The following LMF1 variants were observed in gnomAD, a reference collection of about 807,000 sequenced individuals.
LMF1 encodes transmembrane protein 112.
LMF1 carries 68 observed loss-of-function variants against 60.6 expected under a neutral mutation model. The observed-to-expected ratio is 1.12, with a 90% CI of 0.92 to 1.37. The LOEUF (loss-of-function observed/expected upper bound fraction) is 1.37. Among genes scored for constraint, LMF1 ranks in the 40% most tolerant of loss-of-function variants. The pLI is 0.00. For synonymous variants in LMF1, 418 were observed against 324.7 expected (o/e 1.29, Z -3.09); for missense variants, 948 against 767.2 (o/e 1.24, Z -2.78).
intron 3 of LMF1, among the ~76,000 whole-genome samples, chr16:912,749 GA>G (rs962444892): frequency 2.6e-5 from 4 of 152,230 alleles, no homozygotes; most frequent in African/African-American, 9.6e-5. Context: ...ACCCTGGGAA[GA>G]AAAGGGTTGC....
intron 5 of LMF1, among the ~76,000 whole-genome samples, chr16:889,071 T>C (rs1210453608): frequency 6.6e-6 from 1 of 151,750 alleles, no homozygotes; most frequent in Non-Finnish European, 1.5e-5. Context: ...GCCTGCGGGG[T>C]CTGCACTCAC....
intron 5 of LMF1, among the ~76,000 whole-genome samples, chr16:891,839 C>T (rs575061514): frequency 1.1e-4 from 16 of 152,354 alleles, no homozygotes; most frequent in African/African-American, 3.4e-4. Context: ...CTCTCACACA[C>T]GTGTGCCCTG....
At chr16:923,408 T>C (rs1284104041) in intron 3 of LMF1, among the ~76,000 whole-genome samples, 1 of 152,054 alleles carries the variant, frequency 6.6e-6, no homozygotes, top group Non-Finnish European at 1.5e-5. Flanking sequence ...AGCACCCCAG[T>C]AGTAACGGGC....
intron 10 of LMF1, among the ~76,000 whole-genome samples, chr16:868,607 C>G (rs953244504): frequency 1.3e-5 from 2 of 152,200 alleles, no homozygotes; most frequent in Non-Finnish European, 2.9e-5. Flanking sequence ...TCTTGCCTCT[C>G]CAGGCCAGGA....
At chr16:969,605 G>C (rs2072998227) in intron 1 of LMF1, among the ~76,000 whole-genome samples, 1 of 152,244 alleles carries the variant, frequency 6.6e-6, no homozygotes, top group African/African-American at 2.4e-5. Context: ...CGTGAGGGAA[G>C]CAGACGATGG....
At chr16:952,339 G>T (rs1054263908) in intron 2 of LMF1, among the ~76,000 whole-genome samples, 1 of 151,280 alleles carries the variant, frequency 6.6e-6, no homozygotes, top group Admixed American at 6.6e-5. Context: ...GATGCCAGCT[G>T]CAGCCCTCCC....
intron 3 of LMF1, among the ~76,000 whole-genome samples, chr16:931,393 C>T (rs1214092372): frequency 6.6e-6 from 1 of 152,064 alleles, no homozygotes; most frequent in Admixed American, 6.5e-5. Flanking sequence ...GACCCCGTGC[C>T]CCGCCCTGAA....
chr16:965,335 G>A (rs1289543423), intron 1 of LMF1, among the ~76,000 whole-genome samples: 1 of 152,186 alleles, frequency 6.6e-6, no homozygotes, highest in African/African-American at 2.4e-5. Context: ...GCGGTGTTTG[G>A]AACACATGGG....
chr16:948,347 C>T (rs1213303947), intron 2 of LMF1, among the ~76,000 whole-genome samples: 1 of 147,168 alleles, frequency 6.8e-6, no homozygotes, highest in Non-Finnish European at 1.5e-5. Context: ...GAGTCAGAGC[C>T]AATGACAGAG....
chr16:945,211 C>CAAAAAA (rs60283096), intron 2 of LMF1, among the ~76,000 whole-genome samples: 8 of 79,020 alleles, frequency 1.0e-4, no homozygotes, highest in Non-Finnish European at 1.3e-4. Flanking sequence ...GACTCCATCT[C>CAAAAAA]AAAAAAAAAA....
At chr16:866,271 G>A (rs1286129867) in intron 10 of LMF1, among the ~76,000 whole-genome samples, 8 of 152,192 alleles carry the variant, frequency 5.3e-5, no homozygotes, top group African/African-American at 1.9e-4. Context: ...TAGAGACAGG[G>A]GTATTACCTT....
chr16:966,721 A>G lies in LMF1; in HGVS notation c.193+4067T>C, dbSNP rs143861579. Among the ~76,000 whole-genome samples the G allele has an allele frequency of 1.8e-3, 276 of 152,302 alleles. 1 individual carries two copies. The highest frequency in any genetic ancestry group is 6.4e-3 in the African/African-American group (265 of 41,572). On this transcript the variant is annotated intron_variant, in intron 1 of 10. Coordinates refer to ENST00000262301, the MANE Select transcript of LMF1 (RefSeq NM_022773.4). ...TCCCATGTCAGCCTCAGGACGGCCC[A>G]GCGGTCACTCTCACCTCATCAGTGA...
chr16:908,681 G>A (rs973829292), intron 4 of LMF1, among the ~76,000 whole-genome samples: 6 of 152,246 alleles, frequency 3.9e-5, no homozygotes, highest in African/African-American at 1.4e-4. Context: ...AGGTCACCAG[G>A]CTGCAGCATG....
At chr16:861,119 C>T (rs1055326046) in intron 10 of LMF1, among the ~76,000 whole-genome samples, 1 of 152,066 alleles carries the variant, frequency 6.6e-6, no homozygotes, top group Non-Finnish European at 1.5e-5. Context: ...GGCCGTGTCT[C>T]TAGGTGTGTG....
In LMF1 at chr16:874,051, G is replaced by C. The variant is rs918532019; in HGVS notation, c.898-2710C>G. Among the ~76,000 whole-genome samples, 1 of 152,212 alleles carries C rather than the reference G, an allele frequency of 6.6e-6. No homozygotes were observed. The highest frequency in any genetic ancestry group is 6.5e-5 in the Admixed American group (1 of 15,286). ...GGTGGAGGCCCGGCGGCGGGTGTGA[G>C]GGTCTCCTTTGCCGGGTGTGGGGGG... is the stretch of plus-strand genomic sequence containing the variant. On this transcript the variant is annotated intron_variant, in intron 6 of 10. Coordinates refer to ENST00000262301, the MANE Select transcript of LMF1 (RefSeq NM_022773.4). This position sits in a 1 kb window ranked among gnomAD's most constrained non-coding sequence, Gnocchi z 4.1.
intron 3 of LMF1, chr16:931,800 G>T (rs775212170): frequency 7.8e-7 from 1 of 1,283,392 alleles, no homozygotes; most frequent in East Asian, 5.6e-5. Flanking sequence ...GCCGCTGCAG[G>T]GTCAGACACA....
intron 1 of LMF1, among the ~76,000 whole-genome samples, chr16:964,880 G>A (rs34399638): frequency 0.19 from 28,206 of 152,224 alleles, 2,902 homozygotes; most frequent in South Asian, 0.31. Context: ...AGCAGCTGCC[G>A]GGGAGACGCG....
chr16:920,347 G>A (rs567923174), intron 3 of LMF1, among the ~76,000 whole-genome samples: 2 of 152,364 alleles, frequency 1.3e-5, no homozygotes, highest in Non-Finnish European at 2.9e-5. Flanking sequence ...CATCAGGACC[G>A]GAAAGCACAG....
chr16:885,895 T>C (rs1346893983), intron 5 of LMF1, among the ~76,000 whole-genome samples: 1 of 152,228 alleles, frequency 6.6e-6, no homozygotes, highest in Non-Finnish European at 1.5e-5. Context: ...GACAGAACAC[T>C]GTCTGTTCAT....
Sources: gnomAD v4.1 joint callset for allele counts (sites outside exome capture counted in the v4.1 genomes callset) on GRCh38, gnomAD v4.1.1 for gene constraint, Gnocchi (gnomAD v3.1) non-coding constraint, MANE v1.5 for transcripts, NCBI Gene and HGNC (gene_info 2026-07-23, HGNC 2026-07-21) for gene names.